Variants in ROR2 observed in about 807,000 individuals in gnomAD.
ROR2 encodes tyrosine-protein kinase transmembrane receptor ROR2.
ROR2 carries 33 observed loss-of-function variants against 74.9 expected under a neutral mutation model. The observed-to-expected ratio is 0.44, with a 90% CI of 0.33 to 0.59. ROR2 has a LOEUF of 0.59. ROR2 is among the 20% of genes least tolerant of loss of function. The pLI, the probability that ROR2 is intolerant of heterozygous loss-of-function variation, is 0.02. For missense variants in ROR2, 1,216 were observed against 1,313.8 expected (o/e 0.93, Z 1.15); for synonymous variants, 586 against 558.7 (o/e 1.05, Z -0.69).
intron 1 of ROR2, among the ~76,000 whole-genome samples, chr9:91,851,931 GCAC>G: frequency 6.6e-6 from 1 of 150,630 alleles, no homozygotes; most frequent in South Asian, 2.1e-4. Flanking sequence ...AGCCGAGATG[GCAC>G]CATTGCACGC....
chr9:91,835,324 C>T (rs1022721911), intron 1 of ROR2, among the ~76,000 whole-genome samples: 6 of 152,206 alleles, frequency 3.9e-5, no homozygotes, highest in African/African-American at 4.8e-5. Flanking sequence ...CTTCCATTTC[C>T]GTGGCTTCTT....
In ROR2 at chr9:91,722,739, T is replaced by C. The variant is rs1434260591; in HGVS notation, c.*923A>G. The C allele has an allele frequency of 1.5e-6, 1 of 657,242 alleles. No individual in the cohort carries two copies. Among genetic ancestry groups the C allele is most frequent in the Non-Finnish European group, 2.8e-6 (1 of 357,682 alleles). The allele number at this position is 657,242 out of a possible 1,614,324, so 40.7% of individuals were successfully genotyped here. A position where few individuals can be genotyped will look rare whatever the true frequency, so the allele number is the denominator to read the frequency against. ...ATGAATGGACCTCATGTGCACGTGG[T>C]ACAGAGAGAAGCAAACCAAGACCAA... On this transcript the variant is annotated 3_prime_UTR_variant, in exon 9 of 9. Transcript: ENST00000375708.
intron 1 of ROR2, among the ~76,000 whole-genome samples, chr9:91,863,017 G>C (rs909400308): frequency 2.0e-5 from 3 of 152,168 alleles, no homozygotes; most frequent in Admixed American, 6.5e-5. Context: ...ACCACAATGA[G>C]ATACCATACT....
At chr9:91,877,056 T>G (rs923778975) in intron 1 of ROR2, among the ~76,000 whole-genome samples, 2 of 152,138 alleles carry the variant, frequency 1.3e-5, no homozygotes, top group Non-Finnish European at 2.9e-5. Context: ...AGAAAAGGAA[T>G]GAGGCTTCAA....
intron 1 of ROR2, among the ~76,000 whole-genome samples, chr9:91,928,521 A>G (rs1307008677): frequency 6.6e-6 from 1 of 152,210 alleles, no homozygotes; most frequent in Non-Finnish European, 1.5e-5. Context: ...GGGCAAGGAA[A>G]GAGGCAGACT....
intron 1 of ROR2, among the ~76,000 whole-genome samples, chr9:91,895,367 C>T (rs1407376149): frequency 6.6e-6 from 1 of 152,116 alleles, no homozygotes; most frequent in Non-Finnish European, 1.5e-5. Context: ...ACAGAACATA[C>T]AGCACCAAAA....
intron 1 of ROR2, among the ~76,000 whole-genome samples, chr9:91,862,722 G>A (rs1187970733): frequency 6.6e-6 from 1 of 152,178 alleles, no homozygotes; most frequent in Non-Finnish European, 1.5e-5. Flanking sequence ...CACCATGTGA[G>A]GACACAGCAA....
At chr9:91,738,160 AAT>A (rs1205210804) in intron 4 of ROR2, among the ~76,000 whole-genome samples, 97 of 152,342 alleles carry the variant, frequency 6.4e-4, no homozygotes, top group African/African-American at 2.1e-3. Flanking sequence ...GATTTTAGTT[AAT>A]AATAATGTTA....
intron 1 of ROR2, among the ~76,000 whole-genome samples, chr9:91,940,125 T>C (rs1831810257): frequency 6.6e-6 from 1 of 152,168 alleles, no homozygotes; most frequent in African/African-American, 2.4e-5. Context: ...CACAGCTGCA[T>C]TCATGGCAAC....
intron 1 of ROR2, among the ~76,000 whole-genome samples, chr9:91,846,368 G>A (rs2119234523): frequency 6.6e-6 from 1 of 152,292 alleles, no homozygotes; most frequent in Non-Finnish European, 1.5e-5. Flanking sequence ...AAGAGACACT[G>A]GCACTCACTC....
intron 1 of ROR2, among the ~76,000 whole-genome samples, chr9:91,793,959 C>T (rs1006362927): frequency 2.6e-5 from 4 of 152,176 alleles, no homozygotes; most frequent in African/African-American, 9.7e-5. Context: ...GCCTCAAAAT[C>T]TCTGCTGCAC....
chr9:91,740,999 G>A (rs1825217164), intron 4 of ROR2, among the ~76,000 whole-genome samples: 1 of 151,966 alleles, frequency 6.6e-6, no homozygotes, highest in Non-Finnish European at 1.5e-5. Flanking sequence ...GAGGAGAGAG[G>A]GTGCTAAATA....
chr9:91,867,923 A>G (rs961173694), intron 1 of ROR2, among the ~76,000 whole-genome samples: 3 of 152,176 alleles, frequency 2.0e-5, no homozygotes, highest in African/African-American at 7.2e-5. Context: ...AACATTCCCC[A>G]CAACGGCTGA....
In ROR2 at chr9:91,759,251, G is replaced by A. The variant is rs181061626; in HGVS notation, c.176-1692C>T. 7.2e-5 allele frequency among the ~76,000 whole-genome samples: 11 copies of A among 152,202 alleles called. No homozygotes were observed. The East Asian group carries it at 1.5e-3, about 21-fold the overall frequency. On this transcript the variant is annotated intron_variant, in intron 2 of 8. Transcript: ENST00000375708. Reference sequence around the variant, plus strand: ...GGCGGTGGATTTAAGATGAGGAGACGGTCTTCATTCACGGGACAGTGGAAA... The same window carrying A: ...GGCGGTGGATTTAAGATGAGGAGACAGTCTTCATTCACGGGACAGTGGAAA...
intron 1 of ROR2, among the ~76,000 whole-genome samples, chr9:91,830,828 G>GTGTA (rs932918874): frequency 1.3e-5 from 2 of 151,316 alleles, no homozygotes; most frequent in African/African-American, 4.9e-5. Context: ...GTGTGTGTGT[G>GTGTA]TGTGTGTGTG....
chr9:91,767,708 G>A (rs1181915800), intron 2 of ROR2, among the ~76,000 whole-genome samples: 1 of 152,262 alleles, frequency 6.6e-6, no homozygotes, highest in Admixed American at 6.5e-5. Context: ...GTTGAGTGGT[G>A]CATGCAGCCA....
At position 91,724,460 on chromosome 9, in the gene ROR2, G is replaced by A. The variant is rs199681534; in HGVS notation, c.2034C>T (p.Tyr678=). 37 of 1,614,196 alleles carry A rather than the reference G, an allele frequency of 2.3e-5. No homozygotes were observed. The highest frequency in any genetic ancestry group is 1.6e-4 in the Middle Eastern group (1 of 6,062). ...TGAAGACCTCCCACAGGACCACACC[G>A]TAGGACCAGATGTCTGAGTCGATGG... ...KFSIDSDIWS[Y]GVVLWEVFSY... Residue 678 remains tyrosine (Y), a synonymous_variant, in exon 9 of 9, where the codon TAC becomes TAT. Transcript: ENST00000375708.
chr9:91,822,757 A>C (rs1217497078), intron 1 of ROR2, among the ~76,000 whole-genome samples: 1 of 152,168 alleles, frequency 6.6e-6, no homozygotes, highest in Non-Finnish European at 1.5e-5. Context: ...GAGGAGTGGG[A>C]GAAGGGGGCA....
intron 1 of ROR2, chr9:91,948,895 G>A: frequency 1.0e-6 from 1 of 985,408 alleles, no homozygotes; most frequent in Non-Finnish European, 1.2e-6. Flanking sequence ...GCGCGGGCGG[G>A]AGGTGCTCCC....
Sources: gnomAD v4.1 joint callset for allele counts (sites outside exome capture counted in the v4.1 genomes callset) on GRCh38, gnomAD v4.1.1 for gene constraint, MANE v1.5 for transcripts, NCBI Gene and HGNC (gene_info 2026-07-23, HGNC 2026-07-21) for gene names.